SEMA6C: variants seen among roughly 807,000 people sequenced by gnomAD.
SEMA6C encodes the protein semaphorin 6C.
A neutral mutation model predicts 72.9 loss-of-function variants in SEMA6C; 37 were observed. The ratio of observed to expected loss-of-function variants is 0.51; its 90% confidence interval spans 0.39 to 0.67. The LOEUF (loss-of-function observed/expected upper bound fraction) is 0.67, where lower values mean the gene tolerates loss of function less well. Ranked by LOEUF, SEMA6C falls within the 30% of genes least tolerant of loss-of-function variation. The pLI, the probability that SEMA6C is intolerant of heterozygous loss-of-function variation, is 0.00. For synonymous variants in SEMA6C, 578 were observed against 554.1 expected, an observed-to-expected ratio of 1.04 and a Z score of -0.61; for missense variants, 1,189 against 1,263.6, an observed-to-expected ratio of 0.94 and a Z score of 0.89.
chr1:151,134,918 C>G (rs1408483874), intron 15 of SEMA6C, 43 bp from the exon 16 acceptor site: 2 of 1,564,640 alleles, frequency 1.3e-6, no homozygotes, highest in Admixed American at 1.7e-5. Context: ...CCTTTCTACT[C>G]CAGTCACTTT....
At position 151,131,900 on chromosome 1, in the gene SEMA6C, C is replaced by A; in HGVS notation, c.*584G>T. 1 of 211,970 alleles carries A rather than the reference C, an allele frequency of 4.7e-6. No homozygotes were observed. Among genetic ancestry groups the A allele is most frequent in the Non-Finnish European group, 9.8e-6 (1 of 102,210 alleles). 13.1% of individuals were successfully genotyped at this position (211,970 alleles called of 1,614,324 possible). A position where few individuals can be genotyped will look rare whatever the true frequency, so the allele number is the denominator to read the frequency against. ...CTCGACACCGTTAATTCGCTCGTCTCCTTTAGGAAACCTTTCCAGACTGCC... is the reference window on the plus strand; with the variant it reads ...CTCGACACCGTTAATTCGCTCGTCTACTTTAGGAAACCTTTCCAGACTGCC... On this transcript the variant is annotated 3_prime_UTR_variant, in exon 19 of 19. Transcript: ENST00000368914.
chr1:151,137,810 G>C lies in SEMA6C; in HGVS notation c.668-11C>G. ...GGACAAAGTGTGGCTCTAAGATGGG[G>C]AATGACAGGAAAGGGTATAGAAGAG... On this transcript the variant is annotated splice_polypyrimidine_tract_variant and intron_variant, in intron 9 of 18. Coordinates refer to ENST00000368914, the MANE Select transcript of SEMA6C (RefSeq NM_030913.6). 6.2e-7 allele frequency: 1 copy of C among 1,611,882 alleles called. No homozygotes were observed. The highest frequency in any genetic ancestry group is 1.1e-5 in the South Asian group (1 of 90,900).
intron 6 of SEMA6C, 21 bp from the exon 7 acceptor site, chr1:151,138,752 G>A (rs752908363): frequency 6.3e-7 from 1 of 1,583,144 alleles, no homozygotes; most frequent in Non-Finnish European, 8.7e-7. Context: ...CAAAATTCTA[G>A]GTCAGTGACA....
intron 11 of SEMA6C, 77 bp downstream of exon 11, chr1:151,136,780 G>A: frequency 7.0e-7 from 1 of 1,438,340 alleles, no homozygotes; most frequent in South Asian, 1.2e-5. Flanking sequence ...TGCCCCATCA[G>A]TAGGCTGTGA....
Position 151,134,607 on chromosome 1 carries a change from C to T in SEMA6C, c.1714+13G>A. On this transcript the variant is annotated intron_variant, in intron 17 of 18. Coordinates refer to ENST00000368914, the MANE Select transcript of SEMA6C (RefSeq NM_030913.6). The stretch of plus-strand genomic sequence containing the variant: ...CAGCTTTGGCTGCAACAGCAGCTGC[C>T]TCTTCTGTTTACCTTGGCAGTCACC... 1.9e-6 allele frequency: 3 copies of T among 1,614,020 alleles called. No individual in the cohort carries two copies. Among genetic ancestry groups the T allele is most frequent in the Non-Finnish European group, 1.7e-6 (2 of 1,179,878 alleles).
chr1:151,132,511 G>A lies in SEMA6C; in HGVS notation c.2766C>T (p.Val922=). Residue 922 remains valine (V), a synonymous_variant, in exon 19 of 19, where the codon GTC becomes GTT. Transcript: ENST00000368914. The stretch of plus-strand genomic sequence containing the variant: ...AAAAGTTGAAACGGCCGCCGTTCGG[G>A]ACGGCCTGGCGGGAGGAGGGCCCGA... ...PLVGPSSRQA[V]PNGGRFNF The A allele has an allele frequency of 6.5e-7, 1 of 1,549,954 alleles. No homozygotes were observed. The highest frequency in any genetic ancestry group is 8.7e-7 in the Non-Finnish European group (1 of 1,146,586).
chr1:151,136,648 G>A (rs1251590962), intron 11 of SEMA6C, 69 bp from the exon 12 acceptor site: 4 of 1,583,938 alleles, frequency 2.5e-6, no homozygotes, highest in Non-Finnish European at 3.5e-6. Flanking sequence ...AGGAAGAAGT[G>A]GTGGCACCCT....
chr1:151,134,575 C>T (rs1681856517), intron 17 of SEMA6C, 45 bp downstream of exon 17: 2 of 1,611,784 alleles, frequency 1.2e-6, no homozygotes, highest in Non-Finnish European at 1.7e-6. Flanking sequence ...GCCATCATGG[C>T]CATGTGCAGC....
chr1:151,132,967 C>T lies in SEMA6C; in HGVS notation c.2310G>A (p.Leu770=), dbSNP rs1232056283. The T allele has an allele frequency of 1.4e-6, 2 of 1,413,844 alleles. No individual in the cohort carries two copies. Among genetic ancestry groups the T allele is most frequent in the Non-Finnish European group, 1.9e-6 (2 of 1,080,162 alleles). The allele number at this position is 1,413,844 out of a possible 1,614,324, so 87.6% of individuals were successfully genotyped here. A position where few individuals can be genotyped will look rare whatever the true frequency, so the allele number is the denominator to read the frequency against. ...GCTGCGGGCCGTGCAGGTAGCGCAG[C>T]AGTTCCTCCAGGGTGGTGACTTCCA... ...QAVEVTTLEE[L]LRYLHGPQPP... The change falls in exon 19 of 19, where the codon CTG becomes CTA. Residue 770 remains leucine (L), a synonymous_variant. Transcript: ENST00000368914.
chr1:151,137,287 T>C (rs954524463), intron 10 of SEMA6C, among the ~76,000 whole-genome samples: 1 of 151,824 alleles, frequency 6.6e-6, no homozygotes, highest in African/African-American at 2.4e-5. Flanking sequence ...CTACTAAAAA[T>C]ACAAACAAAT....
In SEMA6C at chr1:151,134,673, G is replaced by A. The variant is rs748451995; in HGVS notation, c.1661C>T (p.Thr554Ile). The A allele has an allele frequency of 3.1e-6, 5 of 1,614,132 alleles. No individual in the cohort carries two copies. The South Asian group carries it at 4.4e-5, about 14-fold the overall frequency. ...CTGGTTCCCAGCCTGATCCACATCA[G>A]TCCTAGGAGGAAAACGAAGTGGCTA... The part of the protein sequence containing the change: ...GCVDIRGSGG[T>I]DVDQAGNQES... The change falls in exon 17 of 19, where the codon ACT (threonine) becomes ATT (isoleucine). Residue 554 changes from threonine to isoleucine, a missense_variant and splice_region_variant. Transcript: ENST00000368914.
Position 151,133,617 on chromosome 1 carries a change from C to T in SEMA6C, c.1760-100G>A, listed in dbSNP as rs1681767908. 1.4e-6 allele frequency: 2 copies of T among 1,431,288 alleles called. No homozygotes were observed. Among genetic ancestry groups the T allele is most frequent in the African/African-American group, 1.4e-5 (1 of 69,334 alleles). The allele number at this position is 1,431,288 out of a possible 1,614,324, so 88.7% of individuals were successfully genotyped here. On this transcript the variant is annotated intron_variant, in intron 18 of 18. Transcript: ENST00000368914. This position sits in a 1 kb window ranked among gnomAD's most constrained non-coding sequence, Gnocchi z 5.9. ...CAGTTCCCAGGCCTGACATCATCGT[C>T]CCTCCCGCTGCTACTCAGCCTCACT...
intron 2 of SEMA6C, among the ~76,000 whole-genome samples, chr1:151,144,071 C>A (rs374515848): frequency 1.3e-5 from 2 of 152,148 alleles, no homozygotes; most frequent in Non-Finnish European, 2.9e-5. Context: ...GATGACCCCC[C>A]TTCCCCAGGG....
chr1:151,138,217 C>T lies in SEMA6C; in HGVS notation c.547+99G>A, dbSNP rs1682225412. On this transcript the variant is annotated intron_variant, in intron 8 of 18. Coordinates refer to ENST00000368914, the MANE Select transcript of SEMA6C (RefSeq NM_030913.6). ...CCTGGCCCTGGTCCCTACCTCAACCCTCCACTCAGGGGAATGGGGGAAAGA... is the reference window on the plus strand; with the variant it reads ...CCTGGCCCTGGTCCCTACCTCAACCTTCCACTCAGGGGAATGGGGGAAAGA... The T allele has an allele frequency of 1.9e-6, 3 of 1,582,946 alleles. No individual in the cohort carries two copies. The South Asian group carries it at 3.5e-5, about 18-fold the overall frequency.
intron 5 of SEMA6C, 31 bp from the exon 6 acceptor site, chr1:151,139,512 T>C (rs941689434): frequency 2.5e-6 from 4 of 1,610,302 alleles, no homozygotes; most frequent in East Asian, 2.2e-5. Flanking sequence ...GGGAAAATCA[T>C]GGGCAACTGG....
chr1:151,139,827 G>A, intron 4 of SEMA6C, 126 bp from the exon 5 acceptor site: 2 of 1,234,840 alleles, frequency 1.6e-6, no homozygotes, highest in Non-Finnish European at 1.1e-6. Context: ...CCATGCCTTG[G>A]CATTTGTGCT....
intron 2 of SEMA6C, 107 bp from the exon 3 acceptor site, chr1:151,142,782 G>A (rs1243244337): frequency 3.2e-5 from 19 of 586,732 alleles, no homozygotes; most frequent in Non-Finnish European, 5.4e-5. Context: ...CCTGTGGGGT[G>A]GGGGAAAAGA....
intron 12 of SEMA6C, 77 bp from the exon 13 acceptor site, chr1:151,136,240 C>T: frequency 6.4e-7 from 1 of 1,572,536 alleles, no homozygotes; most frequent in Non-Finnish European, 8.7e-7. Flanking sequence ...CCTACTGCTC[C>T]CAAACCTGAC....
rs1221587497 is a variant in SEMA6C at position 151,145,665 on chromosome 1, C to T, written c.-105+768G>A. On this transcript the variant is annotated intron_variant, in intron 1 of 18. Coordinates refer to ENST00000368914, the MANE Select transcript of SEMA6C (RefSeq NM_030913.6). The surrounding 1 kb of genome is among the most constrained non-coding windows in gnomAD (Gnocchi z 4.4). ...TTAGCGAGAGGAGGGGCTGGAGGGG[C>T]CTGCAGGCGCAGACGAAGAGGGGAT... is the stretch of plus-strand genomic sequence containing the variant. 1 of 156,510 alleles carries T rather than the reference C, an allele frequency of 6.4e-6. No individual in the cohort carries two copies. The highest frequency in any genetic ancestry group is 1.4e-5 in the Non-Finnish European group (1 of 71,174). 9.7% of individuals were successfully genotyped at this position (156,510 alleles called of 1,614,324 possible).
Sources: allele counts gnomAD v4.1 joint callset (sites outside exome capture counted in the v4.1 genomes callset), GRCh38; gene constraint gnomAD v4.1.1; non-coding constraint Gnocchi (gnomAD v3.1); transcripts MANE v1.5; gene names NCBI Gene and HGNC (gene_info 2026-07-23, HGNC 2026-07-21).